WHRN: variants seen among roughly 807,000 people sequenced by gnomAD.
The protein encoded by WHRN is whirlin, also known as CASK-interacting protein CIP98.
WHRN carries 41 observed loss-of-function variants against 68.3 expected under a neutral mutation model. The ratio of observed to expected loss-of-function variants is 0.60; its 90% CI spans 0.47 to 0.78. The LOEUF (loss-of-function observed/expected upper bound fraction) is 0.78. Ranked by LOEUF, WHRN falls within the 30% of genes least tolerant of loss-of-function variation. The pLI, the probability that WHRN is intolerant of heterozygous loss-of-function variation, is 0.00. For synonymous variants in WHRN, 560 were observed against 561.3 expected (o/e 1.00, Z 0.03); for missense variants, 1,243 against 1,244.7 (o/e 1.00, Z 0.02).
At chr9:114,474,197 T>C (rs957275336) in intron 2 of WHRN, among the ~76,000 whole-genome samples, 4 of 152,212 alleles carry the variant, frequency 2.6e-5, no homozygotes, top group Non-Finnish European at 5.9e-5. Flanking sequence ...AGGTTCATTT[T>C]CCACCTTTGA....
intron 3 of WHRN, among the ~76,000 whole-genome samples, chr9:114,439,633 C>CAT (rs199833031): frequency 5.9e-5 from 5 of 85,038 alleles, no homozygotes; most frequent in South Asian, 4.6e-4. Context: ...TGTACACACA[C>CAT]ATAGATATAT....
intron 1 of WHRN, among the ~76,000 whole-genome samples, chr9:114,498,440 T>C (rs1843644154): frequency 6.6e-6 from 1 of 152,104 alleles, no homozygotes; most frequent in African/African-American, 2.4e-5. Flanking sequence ...CGGATGGGTC[T>C]CTATCCCCCA....
At position 114,424,399 on chromosome 9, in the gene WHRN, C is replaced by G. The variant is rs886063372; in HGVS notation, c.1351G>C (p.Gly451Arg). 1.9e-6 allele frequency: 3 copies of G among 1,612,812 alleles called. No individual in the cohort carries two copies. The highest frequency in any genetic ancestry group is 2.5e-6 in the Non-Finnish European group (3 of 1,180,028). Reference protein sequence around the residue: ...TMAYYLDEYRGGSVSVEALVM... With the variant: ...TMAYYLDEYRRGSVSVEALVM... ...AGGGCCTCCACAGAGACGCTGCCAC[C>G]ACGGTACTCATCCAGGTAGTAGGCC... The change falls in exon 6 of 12, where the codon GGT becomes CGT. Residue 451 changes from glycine (G) to arginine (R), a missense_variant. Gly to Arg is a moderately radical substitution (Grantham distance 125). Coordinates refer to ENST00000362057, the MANE Select transcript of WHRN (RefSeq NM_015404.4).
At chr9:114,433,283 G>A (rs1424355921) in intron 3 of WHRN, among the ~76,000 whole-genome samples, 1 of 152,154 alleles carries the variant, frequency 6.6e-6, no homozygotes, top group South Asian at 2.1e-4. Context: ...GAGCTCCCTC[G>A]CCAGAAGTTG....
intron 4 of WHRN, chr9:114,425,590 C>CACACACACACACAA (rs1396092842): frequency 1.1e-5 from 2 of 183,804 alleles, no homozygotes; most frequent in African/African-American, 6.0e-5. Flanking sequence ...GGGGGAGACA[C>CACACACACACACAA]ACACACACAC....
chr9:114,408,972 C>T (rs759877096), intron 7 of WHRN, among the ~76,000 whole-genome samples: 1 of 152,242 alleles, frequency 6.6e-6, no homozygotes, highest in African/African-American at 2.4e-5. Context: ...CCCTCAGACA[C>T]CGGAGCTCAT....
intron 1 of WHRN, among the ~76,000 whole-genome samples, chr9:114,495,523 G>C (rs116356142): frequency 6.6e-6 from 1 of 152,192 alleles, no homozygotes; most frequent in African/African-American, 2.4e-5. Context: ...ATTTAAGAGC[G>C]AGAGAAAGCA....
chr9:114,450,836 C>CAAA (rs796198475), intron 3 of WHRN, among the ~76,000 whole-genome samples: 3,769 of 149,890 alleles, frequency 0.025, 172 homozygotes, highest in African/African-American at 0.089. Context: ...TCCCCCCCCG[C>CAAA]AAAAAAATAC....
chr9:114,469,081 G>A (rs1840967880), intron 2 of WHRN, among the ~76,000 whole-genome samples: 1 of 152,226 alleles, frequency 6.6e-6, no homozygotes, highest in Non-Finnish European at 1.5e-5. Flanking sequence ...TTGGGCTGCT[G>A]TGAGGGATGA....
chr9:114,500,577 T>C (rs1843834300), intron 1 of WHRN, among the ~76,000 whole-genome samples: 1 of 152,272 alleles, frequency 6.6e-6, no homozygotes, highest in Non-Finnish European at 1.5e-5. Context: ...AATCCACCCA[T>C]GGGGGTGCTG....
intron 2 of WHRN, among the ~76,000 whole-genome samples, chr9:114,473,675 T>C (rs536664519): frequency 6.6e-6 from 1 of 152,332 alleles, no homozygotes; most frequent in South Asian, 2.1e-4. Context: ...TACTGGTTCA[T>C]TGCCACATTA....
intron 3 of WHRN, among the ~76,000 whole-genome samples, chr9:114,451,486 A>G (rs1021286980): frequency 4.6e-5 from 7 of 152,310 alleles, no homozygotes; most frequent in Middle Eastern, 6.8e-3. Context: ...AATCATCAAT[A>G]AATAGTTGCT....
intron 1 of WHRN, among the ~76,000 whole-genome samples, chr9:114,500,902 A>G (rs1843865223): frequency 6.6e-6 from 1 of 152,234 alleles, no homozygotes; most frequent in Non-Finnish European, 1.5e-5. Flanking sequence ...CAAGAGTGCC[A>G]AGATCCTCAT....
At chr9:114,492,015 GAAAA>G (rs60968756) in intron 1 of WHRN, among the ~76,000 whole-genome samples, 1 of 144,518 alleles carries the variant, frequency 6.9e-6, no homozygotes. Flanking sequence ...TTTGTAATTT[GAAAA>G]AAAAAAAAAA....
chr9:114,480,489 G>A (rs949453702), intron 1 of WHRN, among the ~76,000 whole-genome samples: 1 of 151,630 alleles, frequency 6.6e-6, no homozygotes, highest in Non-Finnish European at 1.5e-5. Flanking sequence ...GGAAGAGAGA[G>A]TTCTGGTCTC....
At chr9:114,429,716 G>C (rs944934603) in intron 3 of WHRN, among the ~76,000 whole-genome samples, 1 of 152,160 alleles carries the variant, frequency 6.6e-6, no homozygotes, top group Non-Finnish European at 1.5e-5. Context: ...ATGCATGCAG[G>C]TGTGGATACT....
intron 3 of WHRN, among the ~76,000 whole-genome samples, chr9:114,428,829 C>T (rs971408975): frequency 6.7e-6 from 1 of 149,520 alleles, no homozygotes; most frequent in African/African-American, 2.6e-5. Context: ...CATCAGCCCC[C>T]TGACCTCGGT....
chr9:114,407,568 C>G (rs1457272096), intron 8 of WHRN, among the ~76,000 whole-genome samples: 1 of 152,216 alleles, frequency 6.6e-6, no homozygotes, highest in Admixed American at 6.5e-5. Flanking sequence ...ACCTTCCAGT[C>G]ACCATCCTAA....
At chr9:114,417,754 T>C (rs1835923539) in intron 7 of WHRN, among the ~76,000 whole-genome samples, 1 of 152,218 alleles carries the variant, frequency 6.6e-6, no homozygotes, top group Non-Finnish European at 1.5e-5. Context: ...ATAAAGGTGA[T>C]TATTTCAAGC....
Sources: gnomAD v4.1 joint callset for allele counts (sites outside exome capture counted in the v4.1 genomes callset) on GRCh38, gnomAD v4.1.1 for gene constraint, MANE v1.5 for transcripts, NCBI Gene and HGNC (gene_info 2026-07-23, HGNC 2026-07-21) for gene names.